The following CSMD1 variants were observed in gnomAD, a reference collection of about 807,000 sequenced individuals.
CSMD1 encodes the protein CUB and sushi domain-containing protein 1.
In CSMD1, 213 loss-of-function variants were observed where a neutral mutation model predicts 417.5. The ratio of observed to expected loss-of-function variants is 0.51; its 90% confidence interval spans 0.46 to 0.57. The LOEUF (loss-of-function observed/expected upper bound fraction) is 0.57, where lower values mean the gene tolerates loss of function less well. CSMD1 is among the 20% of genes least tolerant of loss of function. The pLI, the probability that CSMD1 is intolerant of heterozygous loss-of-function variation, is 0.00. For synonymous variants in CSMD1, 2,862 were observed against 1,736.8 expected (o/e 1.65, Z -16.11); for missense variants, 6,923 against 4,529.7 (o/e 1.53, Z -15.17).
chr8:3,185,358 C>T (rs1267689954), intron 36 of CSMD1, among the ~76,000 whole-genome samples: 1 of 152,154 alleles, frequency 6.6e-6, no homozygotes, highest in Non-Finnish European at 1.5e-5. Context: ...AATGTGGTCA[C>T]TTCTTTTTTT....
intron 5 of CSMD1, among the ~76,000 whole-genome samples, chr8:3,792,357 A>G (rs1206949120): frequency 6.6e-6 from 1 of 152,218 alleles, no homozygotes. Flanking sequence ...ACCCACATGT[A>G]CATTATGATC....
chr8:4,404,962 A>C (rs1056937166), intron 3 of CSMD1, among the ~76,000 whole-genome samples: 2 of 152,214 alleles, frequency 1.3e-5, no homozygotes, highest in Non-Finnish European at 2.9e-5. Flanking sequence ...GAAATATGGA[A>C]ACCGAGGCAC....
At chr8:3,027,767 G>A (rs967404574) in intron 51 of CSMD1, among the ~76,000 whole-genome samples, 1 of 152,178 alleles carries the variant, frequency 6.6e-6, no homozygotes, top group African/African-American at 2.4e-5. Flanking sequence ...TAAAACCAGA[G>A]GCAGGAAAAC....
rs76733808 is a variant in CSMD1 at position 4,867,095 on chromosome 8, A to G, written c.85+127237T>C. ...TATTTTGCTTAGAATTTAAGAAAAT[A>G]AAGTGACCCTTGTGATATGAACTTC... is the stretch of plus-strand genomic sequence containing the variant. On this transcript the variant is annotated intron_variant, in intron 1 of 69. Coordinates refer to ENST00000635120, the MANE Select transcript of CSMD1 (RefSeq NM_033225.6). Among the ~76,000 whole-genome samples the G allele has an allele frequency of 9.8e-3, 1,485 of 152,172 alleles. 31 individuals are homozygous for G. Among genetic ancestry groups the G allele is most frequent in the African/African-American group, 0.033 (1,367 of 41,468 alleles).
At chr8:3,133,179 G>T (rs546087285) in intron 41 of CSMD1, among the ~76,000 whole-genome samples, 14 of 152,312 alleles carry the variant, frequency 9.2e-5, no homozygotes, top group Non-Finnish European at 1.6e-4. Flanking sequence ...CCGACCTGGG[G>T]CCCCTTCTTG....
intron 20 of CSMD1, among the ~76,000 whole-genome samples, chr8:3,366,730 G>A (rs562449028): frequency 6.6e-6 from 1 of 152,300 alleles, no homozygotes; most frequent in African/African-American, 2.4e-5. Flanking sequence ...TGTAGAGTTG[G>A]TGAAGAGAAT....
intron 1 of CSMD1, among the ~76,000 whole-genome samples, chr8:4,651,315 A>C (rs1321465277): frequency 6.6e-6 from 1 of 152,180 alleles, no homozygotes; most frequent in African/African-American, 2.4e-5. Flanking sequence ...TCCAGAAAAA[A>C]AAGTGTTGAC....
intron 10 of CSMD1, among the ~76,000 whole-genome samples, chr8:3,538,531 C>G (rs1798302427): frequency 6.6e-6 from 1 of 151,698 alleles, no homozygotes; most frequent in African/African-American, 2.4e-5. Context: ...CCTGCGATGC[C>G]TCGCCTGCGA....
intron 3 of CSMD1, among the ~76,000 whole-genome samples, chr8:4,344,867 G>C (rs1404524963): frequency 6.6e-6 from 1 of 152,050 alleles, no homozygotes; most frequent in Non-Finnish European, 1.5e-5. Context: ...TATTTACCTA[G>C]CGATAAGGAC....
intron 57 of CSMD1, among the ~76,000 whole-genome samples, chr8:2,971,050 C>G (rs1804413857): frequency 6.6e-6 from 1 of 152,282 alleles, no homozygotes; most frequent in East Asian, 1.9e-4. Context: ...CATGACAACT[C>G]TTTAGAGTTA....
chr8:3,843,561 A>T, intron 5 of CSMD1, among the ~76,000 whole-genome samples: 1 of 152,314 alleles, frequency 6.6e-6, no homozygotes, highest in East Asian at 1.9e-4. Flanking sequence ...GTTATTCACG[A>T]TGCTTTTATG....
intron 41 of CSMD1, among the ~76,000 whole-genome samples, chr8:3,125,697 C>T (rs1817468963): frequency 1.3e-5 from 2 of 152,282 alleles, no homozygotes; most frequent in South Asian, 2.1e-4. Context: ...TGAATTAAGG[C>T]CAGGTGCCGT....
chr8:4,459,785 T>C (rs1023612640), intron 2 of CSMD1, among the ~76,000 whole-genome samples: 6 of 152,206 alleles, frequency 3.9e-5, no homozygotes, highest in African/African-American at 9.7e-5. Flanking sequence ...AGAAAATTAA[T>C]TTTTGCTGTT....
intron 3 of CSMD1, among the ~76,000 whole-genome samples, chr8:4,072,697 C>T (rs1232262059): frequency 6.6e-6 from 1 of 152,222 alleles, no homozygotes; most frequent in African/African-American, 2.4e-5. Flanking sequence ...GATTTCAACT[C>T]TGTGAATTGG....
intron 3 of CSMD1, among the ~76,000 whole-genome samples, chr8:4,294,058 T>A (rs751232588): frequency 6.6e-6 from 1 of 152,204 alleles, no homozygotes; most frequent in Non-Finnish European, 1.5e-5. Flanking sequence ...CTCAAGTGAC[T>A]ATTGCACCGA....
At chr8:3,992,336 G>A (rs1814818934) in intron 5 of CSMD1, among the ~76,000 whole-genome samples, 1 of 152,066 alleles carries the variant, frequency 6.6e-6, no homozygotes, top group South Asian at 2.1e-4. Flanking sequence ...TGGGGTGACA[G>A]TTTTGTAATC....
intron 3 of CSMD1, among the ~76,000 whole-genome samples, chr8:4,237,665 A>C (rs1802149492): frequency 6.6e-6 from 1 of 152,014 alleles, no homozygotes; most frequent in Non-Finnish European, 1.5e-5. Flanking sequence ...GGAGGTGTGC[A>C]CCACCATGCC....
At chr8:4,705,153 T>G (rs1584970858) in intron 1 of CSMD1, among the ~76,000 whole-genome samples, 3 of 152,176 alleles carry the variant, frequency 2.0e-5, no homozygotes, top group Non-Finnish European at 2.9e-5. Context: ...AGGTTCCTCC[T>G]TCCCCTTCAC....
intron 1 of CSMD1, among the ~76,000 whole-genome samples, chr8:4,873,585 C>A (rs73183479): frequency 2.6e-5 from 4 of 152,056 alleles, no homozygotes; most frequent in African/African-American, 7.3e-5. Context: ...AGAAACAATT[C>A]AACTTTTTTC....
Sources: allele counts gnomAD v4.1 joint callset (sites outside exome capture counted in the v4.1 genomes callset), GRCh38; gene constraint gnomAD v4.1.1; transcripts MANE v1.5; gene names NCBI Gene and HGNC (gene_info 2026-07-23, HGNC 2026-07-21).